RYK: variants seen among roughly 807,000 people sequenced by gnomAD.
RYK encodes inactive tyrosine-protein kinase RYK.
RYK carries 21 observed loss-of-function variants against 70.2 expected under a neutral mutation model. The observed-to-expected ratio is 0.30, with a 90% CI of 0.21 to 0.43. The LOEUF (loss-of-function observed/expected upper bound fraction) is 0.43. RYK is among the 20% of genes least tolerant of loss of function. The pLI is 1.00. For synonymous variants in RYK, 267 were observed against 278.0 expected (o/e 0.96, Z 0.39); for missense variants, 604 against 753.3 (o/e 0.80, Z 2.32).
chr3:134,211,670 G>T, intron 2 of RYK, 63 bp from the exon 3 acceptor site: 1 of 1,085,690 alleles, frequency 9.2e-7, no homozygotes, highest in South Asian at 1.3e-5. Context: ...CTATCAGCTT[G>T]ACTTCATTAA....
chr3:134,191,842 T>G lies in RYK; in HGVS notation c.1015+7A>C. On this transcript the variant is annotated splice_region_variant and intron_variant, in intron 8 of 14. Coordinates refer to ENST00000623711, the MANE Select transcript of RYK (RefSeq NM_002958.4). ...ACTTAAAAAACCGACTTTGAGATAA[T>G]AAATACCTTCTTGGAGTACATCTTT... 1 of 1,598,276 alleles carries G rather than the reference T, an allele frequency of 6.3e-7. No individual in the cohort carries two copies. Among genetic ancestry groups the G allele is most frequent in the South Asian group, 1.2e-5 (1 of 86,676 alleles).
intron 9 of RYK, 187 bp from the exon 10 acceptor site, chr3:134,183,258 CA>C (rs934204144): frequency 2.7e-5 from 10 of 369,666 alleles, no homozygotes; most frequent in South Asian, 1.2e-4. Flanking sequence ...TCAATTTTCC[CA>C]GAAATTTTTA....
intron 10 of RYK, chr3:134,178,679 C>T (rs2013193585): frequency 6.6e-6 from 1 of 152,188 alleles, no homozygotes; most frequent in Non-Finnish European, 1.5e-5. Flanking sequence ...ACCCCACCAA[C>T]CATAAAAGGT....
rs2012365418 is a variant in RYK at position 134,159,229 on chromosome 3, A to C, written c.1712+8T>G. On this transcript the variant is annotated splice_region_variant and intron_variant, in intron 14 of 14. Coordinates refer to ENST00000623711, the MANE Select transcript of RYK (RefSeq NM_002958.4). ...AAAACTCATGCCTTCAAGCTCAAAA[A>C]AACTCACAATTCATCAGGACAGTTG... is the stretch of plus-strand genomic sequence containing the variant. The C allele has an allele frequency of 6.2e-7, 1 of 1,613,688 alleles. No homozygotes were observed. The highest frequency in any genetic ancestry group is 8.5e-7 in the Non-Finnish European group (1 of 1,179,740).
At chr3:134,176,529 A>T (rs1357500130) in intron 11 of RYK, among the ~76,000 whole-genome samples, 5 of 152,028 alleles carry the variant, frequency 3.3e-5, no homozygotes, top group Non-Finnish European at 4.4e-5. Flanking sequence ...ACTTGAGCCC[A>T]GGAGTTCGAG....
At chr3:134,246,375 T>A (rs377572734) in intron 1 of RYK, among the ~76,000 whole-genome samples, 12 of 109,842 alleles carry the variant, frequency 1.1e-4, no homozygotes, top group East Asian at 5.2e-4. Flanking sequence ...TGGGAATTAT[T>A]AAAAAAAAAA....
At chr3:134,182,798 AC>A (rs1324984307) in intron 10 of RYK, among the ~76,000 whole-genome samples, 1 of 152,222 alleles carries the variant, frequency 6.6e-6, no homozygotes, top group Non-Finnish European at 1.5e-5. Context: ...GGGCTTACAT[AC>A]TATTCTTTGT....
At chr3:134,236,880 A>G (rs1008358205) in intron 1 of RYK, among the ~76,000 whole-genome samples, 2 of 152,206 alleles carry the variant, frequency 1.3e-5, no homozygotes, top group Non-Finnish European at 2.9e-5. Context: ...GCATTTTGTC[A>G]TTAGAATGCA....
At position 134,183,822 on chromosome 3, in the gene RYK, A is replaced by G. The variant is rs115944095; in HGVS notation, c.1103-751T>C. Reference sequence around the variant, plus strand: ...ACAAAGAACTAATTAAATTGACACAATGGGATACTATGTGGCTACTTTTGA... The same window carrying G: ...ACAAAGAACTAATTAAATTGACACAGTGGGATACTATGTGGCTACTTTTGA... On this transcript the variant is annotated intron_variant, in intron 9 of 14. Transcript: ENST00000623711. Among the ~76,000 whole-genome samples, 447 of 152,328 alleles carry G rather than the reference A, an allele frequency of 2.9e-3. 1 individual carries two copies. Among genetic ancestry groups the G allele is most frequent in the African/African-American group, 0.01 (418 of 41,578 alleles).
At chr3:134,231,425 G>A (rs927564365) in intron 1 of RYK, among the ~76,000 whole-genome samples, 1 of 152,134 alleles carries the variant, frequency 6.6e-6, no homozygotes, top group African/African-American at 2.4e-5. Flanking sequence ...CAGAAACCAT[G>A]CCTCCTAAGT....
Position 134,202,831 on chromosome 3 carries a change from A to G in RYK, c.687T>C (p.Phe229=). The change falls in exon 6 of 15, where the codon TTT becomes TTC. Residue 229 remains phenylalanine (F), a synonymous_variant. Coordinates refer to ENST00000623711, the MANE Select transcript of RYK (RefSeq NM_002958.4). ...HAAPTTSTRV[F]YISVGVCCAV... ...CACAACAAACCCCTACACTAATATA[A>G]AACACACGCGTAGAAGTGGTTGGAG... 2 of 1,613,742 alleles carry G rather than the reference A, an allele frequency of 1.2e-6. No individual in the cohort carries two copies. Among genetic ancestry groups the G allele is most frequent in the Non-Finnish European group, 8.5e-7 (1 of 1,179,722 alleles).
chr3:134,175,613 T>G lies in RYK; in HGVS notation c.1571A>C (p.Asp524Ala). ...LVNNEFSSASDVWAFGVTLWE... is the reference protein window; with the variant it reads ...LVNNEFSSASAVWAFGVTLWE... ...TCTGGGGGTCCCGGCACTTACCACA[T>G]CACTAGCGCTAGAGAACTCGTTATT... The change falls in exon 13 of 15, where the codon GAT becomes GCT. Residue 524 changes from aspartate (D) to alanine (A), a missense_variant. By Grantham distance (126) the Asp-to-Ala change is moderately radical. This residue lies in a region of RYK where 138 missense variants were observed against 217.4 expected (regional missense o/e 0.63). Coordinates refer to ENST00000623711, the MANE Select transcript of RYK (RefSeq NM_002958.4). 6.2e-7 allele frequency: 1 copy of G among 1,613,572 alleles called. No individual in the cohort carries two copies. Among genetic ancestry groups the G allele is most frequent in the Non-Finnish European group, 8.5e-7 (1 of 1,179,784 alleles).
intron 7 of RYK, among the ~76,000 whole-genome samples, chr3:134,194,668 T>TA (rs1301645883): frequency 2.6e-5 from 4 of 152,172 alleles, no homozygotes; most frequent in Admixed American, 1.3e-4. Context: ...CTATTATGAT[T>TA]AAAAAACAAT....
intron 13 of RYK, 80 bp from the exon 14 acceptor site, chr3:134,159,453 C>T: frequency 7.6e-7 from 1 of 1,319,634 alleles, no homozygotes; most frequent in Non-Finnish European, 1.0e-6. Context: ...AGCTACAGGA[C>T]AAAAAATAAC....
intron 1 of RYK, among the ~76,000 whole-genome samples, chr3:134,235,830 A>T (rs2015185681): frequency 6.6e-6 from 1 of 152,132 alleles, no homozygotes; most frequent in African/African-American, 2.4e-5. Flanking sequence ...GTAATGCTTT[A>T]AGGAACCAGT....
At chr3:134,183,311 C>T (rs1485586634) in intron 9 of RYK, 1 of 286,116 alleles carries the variant, frequency 3.5e-6, no homozygotes. Flanking sequence ...GCAGAAAATG[C>T]AATAACAGAC....
intron 6 of RYK, among the ~76,000 whole-genome samples, chr3:134,197,099 T>A (rs2013841393): frequency 6.6e-6 from 1 of 152,254 alleles, no homozygotes; most frequent in Admixed American, 6.5e-5. Context: ...CTTCTTGTGA[T>A]GCTGCAGTTA....
At chr3:134,182,449 A>G (rs2013327692) in intron 10 of RYK, among the ~76,000 whole-genome samples, 1 of 152,158 alleles carries the variant, frequency 6.6e-6, no homozygotes, top group Non-Finnish European at 1.5e-5. Flanking sequence ...GACATGCACT[A>G]AAAGTACTGA....
At chr3:134,212,123 C>G (rs2014418211) in intron 2 of RYK, among the ~76,000 whole-genome samples, 2 of 152,212 alleles carry the variant, frequency 1.3e-5, no homozygotes, top group African/African-American at 4.8e-5. Flanking sequence ...TCTAGTCTTG[C>G]TCTCACCAAA....
Sources: gnomAD v4.1 joint callset for allele counts (sites outside exome capture counted in the v4.1 genomes callset) on GRCh38, gnomAD v4.1.1 for gene constraint, gnomAD v4.1.1 regional missense constraint, MANE v1.5 for transcripts, NCBI Gene and HGNC (gene_info 2026-07-23, HGNC 2026-07-21) for gene names.